The following PPP1R12B variants were observed in gnomAD, a reference collection of about 807,000 sequenced individuals.
The protein encoded by PPP1R12B is protein phosphatase 1 regulatory subunit 12B, also known as myosin phosphatase target subunit 2.
A neutral mutation model predicts 126.1 loss-of-function variants in PPP1R12B; 76 were observed. The ratio of observed to expected loss-of-function variants is 0.60; its 90% CI spans 0.50 to 0.73. PPP1R12B has a LOEUF of 0.73. PPP1R12B is among the 30% of genes least tolerant of loss of function. The probability of loss-of-function intolerance (pLI) is 0.00; values close to 1 mark genes in which losing one functional copy is unlikely to be tolerated. For missense variants in PPP1R12B, 1,052 were observed against 1,205.1 expected, an observed-to-expected ratio of 0.87 and a Z score of 1.88; for synonymous variants, 356 against 434.7, an observed-to-expected ratio of 0.82 and a Z score of 2.25.
Position 202,348,703 on chromosome 1 carries a change from C to G in PPP1R12B, c.-149C>G. 1.0e-6 allele frequency: 1 copy of G among 1,002,700 alleles called. No individual in the cohort carries two copies. The highest frequency in any genetic ancestry group is 2.7e-5 in the East Asian group (1 of 37,022). 62.1% of individuals were successfully genotyped at this position (1,002,700 alleles called of 1,614,324 possible). The stretch of plus-strand genomic sequence containing the variant: ...AAGCCGAGGGAGCGTGCGGGCGGTA[C>G]TACTGGCGGGAGGAGTAAAGATGGC... On this transcript the variant is annotated 5_prime_UTR_variant, in exon 1 of 24. Coordinates refer to ENST00000608999, the MANE Select transcript of PPP1R12B (RefSeq NM_002481.4).
intron 1 of PPP1R12B, among the ~76,000 whole-genome samples, chr1:202,408,349 ATTAG>A (rs1571871260): frequency 1.3e-5 from 2 of 152,202 alleles, no homozygotes; most frequent in Admixed American, 1.3e-4. Context: ...TGAGCCAGAG[ATTAG>A]TTAAACAGTT....
intron 23 of PPP1R12B, among the ~76,000 whole-genome samples, chr1:202,579,865 TTTAA>T (rs905633272): frequency 6.6e-6 from 1 of 152,158 alleles, no homozygotes; most frequent in African/African-American, 2.4e-5. Context: ...TTTTCTGAGT[TTTAA>T]TTGTTGAAAG....
At chr1:202,541,661 C>T (rs1384673140) in intron 18 of PPP1R12B, among the ~76,000 whole-genome samples, 5 of 152,186 alleles carry the variant, frequency 3.3e-5, no homozygotes, top group Non-Finnish European at 7.3e-5. Flanking sequence ...TGTCTCTTCA[C>T]CACTATAACC....
intron 17 of PPP1R12B, among the ~76,000 whole-genome samples, chr1:202,496,040 C>T (rs1449417593): frequency 6.6e-6 from 1 of 152,172 alleles, no homozygotes; most frequent in Non-Finnish European, 1.5e-5. Flanking sequence ...AGTGAGTCAA[C>T]AATATCTTAA....
intron 12 of PPP1R12B, among the ~76,000 whole-genome samples, chr1:202,444,643 A>C (rs536515393): frequency 6.2e-4 from 94 of 152,244 alleles, no homozygotes; most frequent in African/African-American, 2.1e-3. Context: ...TTGGGGTTGC[A>C]TGATTATTTG....
chr1:202,397,817 G>A (rs1190441328), intron 1 of PPP1R12B, among the ~76,000 whole-genome samples: 2 of 152,214 alleles, frequency 1.3e-5, no homozygotes, highest in East Asian at 1.9e-4. Flanking sequence ...TACTATGCAT[G>A]TAGCTATTTT....
intron 13 of PPP1R12B, among the ~76,000 whole-genome samples, chr1:202,486,888 A>G (rs1406804056): frequency 6.6e-6 from 1 of 152,220 alleles, no homozygotes; most frequent in Non-Finnish European, 1.5e-5. Flanking sequence ...TTAAGGAGGA[A>G]ATAACCCAAA....
intron 5 of PPP1R12B, among the ~76,000 whole-genome samples, chr1:202,427,398 A>G (rs1018713485): frequency 4.6e-5 from 7 of 152,098 alleles, no homozygotes; most frequent in African/African-American, 1.7e-4. Context: ...TTCTGATTGT[A>G]TTTATGTTCA....
intron 18 of PPP1R12B, among the ~76,000 whole-genome samples, chr1:202,509,047 G>A (rs1270260221): frequency 3.3e-5 from 5 of 152,368 alleles, no homozygotes; most frequent in African/African-American, 1.2e-4. Flanking sequence ...TACAAAAGCA[G>A]GCCGGTGGAC....
At chr1:202,562,614 T>C (rs767254313) in intron 19 of PPP1R12B, 164 bp from the exon 20 acceptor site, 5 of 855,312 alleles carry the variant, frequency 5.8e-6, no homozygotes, top group East Asian at 2.5e-5. Flanking sequence ...CCCTGAGGTC[T>C]GGGAACGCTG....
At chr1:202,515,118 A>G (rs1277618294) in intron 18 of PPP1R12B, among the ~76,000 whole-genome samples, 1 of 152,182 alleles carries the variant, frequency 6.6e-6, no homozygotes, top group Non-Finnish European at 1.5e-5. Flanking sequence ...CAAAGAAGGA[A>G]ACAACAGACA....
rs113722623 is a variant in PPP1R12B, at chr1:202,349,218, G to A, written c.291+76G>A. 10,759 of 1,543,080 alleles carry A rather than the reference G, an allele frequency of 7.0e-3. 54 individuals carry two copies. Among genetic ancestry groups the A allele is most frequent in the Middle Eastern group, 8.5e-3 (50 of 5,854 alleles). ...TTGACCCTGCGAGCCACCCCATGGG[G>A]AGTATCAGTGTTGCCGCCGACTCCT... On this transcript the variant is annotated intron_variant, in intron 1 of 23. Transcript: ENST00000608999.
At chr1:202,401,659 A>G (rs1422638033) in intron 1 of PPP1R12B, among the ~76,000 whole-genome samples, 1 of 152,150 alleles carries the variant, frequency 6.6e-6, no homozygotes. Context: ...TTGTGTCCTC[A>G]CATCAACCCT....
At position 202,428,945 on chromosome 1, in the gene PPP1R12B, G is replaced by A; in HGVS notation, c.921+16G>A. 4.4e-6 allele frequency: 7 copies of A among 1,589,028 alleles called. No individual in the cohort carries two copies. Among genetic ancestry groups the A allele is most frequent in the Non-Finnish European group, 5.1e-6 (6 of 1,169,262 alleles). ...GCAGAATGTGGTGAGTTTCTGATTG[G>A]TGCTTTCAAAAGTTTTCTAATAGTT... On this transcript the variant is annotated intron_variant, in intron 6 of 23. Transcript: ENST00000608999.
chr1:202,447,900 C>G (rs1287770691), intron 12 of PPP1R12B, among the ~76,000 whole-genome samples: 1 of 151,644 alleles, frequency 6.6e-6, no homozygotes, highest in African/African-American at 2.4e-5. Context: ...AAAATTTCAC[C>G]TTTTTTCTTA....
intron 18 of PPP1R12B, among the ~76,000 whole-genome samples, chr1:202,551,649 A>G (rs1686336613): frequency 6.6e-6 from 1 of 152,184 alleles, no homozygotes; most frequent in Non-Finnish European, 1.5e-5. Flanking sequence ...TTGTTCTGTT[A>G]CATAGCACAG....
chr1:202,570,806 T>C (rs1688520759), intron 23 of PPP1R12B, among the ~76,000 whole-genome samples: 1 of 152,220 alleles, frequency 6.6e-6, no homozygotes. Context: ...TACAGGCACG[T>C]GCCGCCACAC....
rs151176045 is a variant in PPP1R12B, at chr1:202,506,016, G to T, written c.2490+9194G>T. 5.4e-3 allele frequency among the ~76,000 whole-genome samples: 821 copies of T among 152,272 alleles called. 6 individuals carry two copies. The highest frequency in any genetic ancestry group is 0.019 in the African/African-American group (796 of 41,554). ...ACAGTCCTGTGGTAGCCAGCCTCTG[G>T]GAATTGGCAGGCATTCCACGTGTAG... On this transcript the variant is annotated intron_variant, in intron 18 of 23. Transcript: ENST00000608999.
At chr1:202,555,271 A>G (rs1291691022) in intron 18 of PPP1R12B, among the ~76,000 whole-genome samples, 2 of 134,448 alleles carry the variant, frequency 1.5e-5, no homozygotes, top group African/African-American at 2.7e-5. Context: ...GCTTTGATTT[A>G]TAGATAATGG....
Sources: allele counts gnomAD v4.1 joint callset (sites outside exome capture counted in the v4.1 genomes callset), GRCh38; gene constraint gnomAD v4.1.1; transcripts MANE v1.5; gene names NCBI Gene and HGNC (gene_info 2026-07-23, HGNC 2026-07-21).